The following ADAMTSL1 variants were observed in gnomAD, a reference collection of about 807,000 sequenced individuals.
The protein encoded by ADAMTSL1 is ADAMTS like 1, also known as ADAMTS-like protein 1.
Under a neutral mutation model 201.8 loss-of-function variants are expected in ADAMTSL1, and 126 were observed. The observed-to-expected ratio is 0.62, with a 90% CI of 0.54 to 0.72. The LOEUF (loss-of-function observed/expected upper bound fraction) is 0.72. Among genes scored for constraint, ADAMTSL1 ranks in the 30% least tolerant of loss-of-function variants. ADAMTSL1 has a pLI of 0.00. For synonymous variants in ADAMTSL1, 1,121 were observed against 903.4 expected (o/e 1.24, Z -4.32); for missense variants, 2,679 against 2,277.8 (o/e 1.18, Z -3.59).
At chr9:18,468,845 C>T (rs1563978645) in intron 2 of ADAMTSL1, among the ~76,000 whole-genome samples, 1 of 152,146 alleles carries the variant, frequency 6.6e-6, no homozygotes, top group African/African-American at 2.4e-5. Context: ...GAACCGTAAG[C>T]CGAGGCCCTT....
At chr9:18,033,341 T>C (rs1210151402) in intron 1 of ADAMTSL1, among the ~76,000 whole-genome samples, 1 of 152,156 alleles carries the variant, frequency 6.6e-6, no homozygotes, top group South Asian at 2.1e-4. Flanking sequence ...CATATCAAAA[T>C]ACCATGTTGT....
chr9:18,060,550 T>C (rs1010926523), intron 1 of ADAMTSL1, among the ~76,000 whole-genome samples: 1 of 152,186 alleles, frequency 6.6e-6, no homozygotes, highest in Admixed American at 6.5e-5. Flanking sequence ...CTATAGGAAT[T>C]TGGCAAAGAA....
intron 4 of ADAMTSL1, among the ~76,000 whole-genome samples, chr9:18,598,278 G>A (rs1224320696): frequency 6.6e-6 from 1 of 151,952 alleles, no homozygotes; most frequent in Non-Finnish European, 1.5e-5. Context: ...CAGCATCAGG[G>A]CAGGATGTGA....
intron 8 of ADAMTSL1, among the ~76,000 whole-genome samples, chr9:18,659,489 G>A (rs1828923493): frequency 1.3e-5 from 2 of 152,238 alleles, no homozygotes; most frequent in South Asian, 4.1e-4. Flanking sequence ...AGCTGGCCAG[G>A]TGCAGTGGCT....
At chr9:18,144,288 C>A (rs1200619686) in intron 1 of ADAMTSL1, among the ~76,000 whole-genome samples, 1 of 151,962 alleles carries the variant, frequency 6.6e-6, no homozygotes, top group African/African-American at 2.4e-5. Flanking sequence ...CTTACTGCAA[C>A]CTCTGCCTCC....
At chr9:18,718,398 A>T in intron 14 of ADAMTSL1, 1 of 696,220 alleles carries the variant, frequency 1.4e-6, no homozygotes, top group Non-Finnish European at 2.7e-6. Flanking sequence ...ATCTACTTCA[A>T]CTTGCTTTCT....
chr9:18,852,110 T>C (rs969221947), intron 23 of ADAMTSL1, among the ~76,000 whole-genome samples: 1 of 152,212 alleles, frequency 6.6e-6, no homozygotes, highest in Non-Finnish European at 1.5e-5. Flanking sequence ...TCTAACCCTA[T>C]GCTCTCTACT....
intron 2 of ADAMTSL1, among the ~76,000 whole-genome samples, chr9:18,164,244 A>G (rs1375899452): frequency 6.6e-6 from 1 of 151,958 alleles, no homozygotes; most frequent in Non-Finnish European, 1.5e-5. Flanking sequence ...ATTCACATTA[A>G]GACACTGATG....
In ADAMTSL1 at chr9:18,684,596, C is replaced by CA. The variant is rs577404503; in HGVS notation, c.1490-115dup. 2,968 of 1,151,208 alleles carry CA rather than the reference C, an allele frequency of 2.6e-3. 3 individuals are homozygous for CA. The highest frequency in any genetic ancestry group is 3.0e-3 in the Non-Finnish European group (2,570 of 865,754). The allele number at this position is 1,151,208 out of a possible 1,614,324, so 71.3% of individuals were successfully genotyped here. ...CCATCATCAGAGGCAGCAATTTACC[C>CA]AAAAACTTATTCGTGTTGGTCAACG... On this transcript the variant is annotated intron_variant, in intron 12 of 28. Transcript: ENST00000380548.
intron 1 of ADAMTSL1, among the ~76,000 whole-genome samples, chr9:18,016,983 A>G (rs185163758): frequency 2.2e-4 from 34 of 152,148 alleles, no homozygotes; most frequent in African/African-American, 7.9e-4. Flanking sequence ...TACCTAGCAT[A>G]TGTACCCTTA....
At chr9:18,714,902 G>A (rs1295080371) in intron 14 of ADAMTSL1, among the ~76,000 whole-genome samples, 2 of 150,002 alleles carry the variant, frequency 1.3e-5, no homozygotes, top group South Asian at 2.1e-4. Flanking sequence ...TATCCACCAT[G>A]ATCAAGTGGG....
At chr9:18,146,293 A>T (rs1427188174) in intron 1 of ADAMTSL1, among the ~76,000 whole-genome samples, 1 of 152,150 alleles carries the variant, frequency 6.6e-6, no homozygotes, top group Non-Finnish European at 1.5e-5. Context: ...AAAAACCTGC[A>T]GTCAGATATT....
intron 1 of ADAMTSL1, among the ~76,000 whole-genome samples, chr9:18,156,220 T>C (rs758188344): frequency 9.2e-5 from 14 of 151,894 alleles, no homozygotes; most frequent in Non-Finnish European, 1.6e-4. Flanking sequence ...GAATACAACA[T>C]CTAGGGCCAT....
At chr9:18,905,262 G>A (rs948165067) in intron 26 of ADAMTSL1, among the ~76,000 whole-genome samples, 1 of 152,202 alleles carries the variant, frequency 6.6e-6, no homozygotes, top group Non-Finnish European at 1.5e-5. Context: ...CACATAGCAA[G>A]AGAATATGAG....
intron 1 of ADAMTSL1, among the ~76,000 whole-genome samples, chr9:18,004,527 G>A (rs1012207811): frequency 1.3e-5 from 2 of 152,014 alleles, no homozygotes; most frequent in Admixed American, 1.3e-4. Context: ...GGTGCACAGA[G>A]GTAAATTGCA....
Position 18,458,158 on chromosome 9 carries a change from T to C in ADAMTSL1, c.208-46671T>C, listed in dbSNP as rs529302979. Reference sequence around the variant, plus strand: ...ATTTCATAGAAGTAATTATAGAGTTTGAAGGGACCTTGAAAGGCTGTTTTC... The same window carrying C: ...ATTTCATAGAAGTAATTATAGAGTTCGAAGGGACCTTGAAAGGCTGTTTTC... On this transcript the variant is annotated intron_variant, in intron 2 of 29. Coordinates refer to the ADAMTSL1 transcript ENST00000680146. Among the ~76,000 whole-genome samples, 9 of 152,316 alleles carry C rather than the reference T, an allele frequency of 5.9e-5. No individual in the cohort carries two copies. The East Asian group carries it at 1.7e-3, about 29-fold the overall frequency.
At chr9:18,681,697 T>TGTGGGGGGGG (rs370940110) in intron 11 of ADAMTSL1, 115 bp from the exon 12 acceptor site, 3 of 240,302 alleles carry the variant, frequency 1.2e-5, no homozygotes, top group South Asian at 8.3e-5. Flanking sequence ...AGTCCTCGTG[T>TGTGGGGGGGG]GGGGGGGGGG....
chr9:17,950,838 C>T (rs1278777080), intron 1 of ADAMTSL1, among the ~76,000 whole-genome samples: 2 of 151,968 alleles, frequency 1.3e-5, no homozygotes, highest in Non-Finnish European at 2.9e-5. Context: ...ATATAACAAA[C>T]ACTATAATAA....
At chr9:18,689,510 T>C (rs912034099) in intron 13 of ADAMTSL1, among the ~76,000 whole-genome samples, 3 of 151,982 alleles carry the variant, frequency 2.0e-5, no homozygotes, top group African/African-American at 7.2e-5. Flanking sequence ...GCTAAGGGAC[T>C]CATATTTTTT....
Sources: allele counts gnomAD v4.1 joint callset (sites outside exome capture counted in the v4.1 genomes callset), GRCh38; gene constraint gnomAD v4.1.1; transcripts MANE v1.5; gene names NCBI Gene and HGNC (gene_info 2026-07-23, HGNC 2026-07-21).